The following LRTM1 variants were observed in gnomAD, a reference collection of about 807,000 sequenced individuals.
LRTM1 encodes leucine rich repeat transmembrane protein 1, also known as leucine-rich repeat and transmembrane domain-containing protein 1.
Under a neutral mutation model 32.4 loss-of-function variants are expected in LRTM1, and 38 were observed. The ratio of observed to expected loss-of-function variants is 1.17; its 90% CI spans 0.91 to 1.54. The LOEUF is 1.54. LRTM1 is among the 40% of genes most tolerant of loss of function. LRTM1 has a pLI of 0.00. For synonymous variants in LRTM1, 186 were observed against 169.9 expected, an observed-to-expected ratio of 1.09 and a Z score of -0.74; for missense variants, 466 against 415.4, an observed-to-expected ratio of 1.12 and a Z score of -1.06.
intron 1 of LRTM1, among the ~76,000 whole-genome samples, chr3:54,965,201 A>G (rs1333945167): frequency 6.6e-6 from 1 of 151,588 alleles, no homozygotes; most frequent in Admixed American, 6.6e-5. Flanking sequence ...CTTTATTTAC[A>G]AAAAGAGGCT....
At chr3:54,941,533 G>A (rs1296320596) in intron 1 of LRTM1, among the ~76,000 whole-genome samples, 1 of 152,146 alleles carries the variant, frequency 6.6e-6, no homozygotes, top group Non-Finnish European at 1.5e-5. Flanking sequence ...TTATGTGGGT[G>A]AGCAGTAAAT....
intron 1 of LRTM1, among the ~76,000 whole-genome samples, chr3:54,934,069 C>A (rs754584353): frequency 4.6e-5 from 7 of 152,182 alleles, no homozygotes; most frequent in Non-Finnish European, 7.3e-5. Context: ...TTGTGCCCAT[C>A]CATGATGTTA....
chr3:54,918,348 TTTTTTTTGTC>T lies in LRTM1; in HGVS notation c.*101_*110del. ...TTTTTTTTTCTTTTTTTTTTTTTTT[TTTTTTTTGTC>T]TTTTGGCAAAAGCAAAATCAGACTA... On this transcript the variant is annotated 3_prime_UTR_variant, in exon 3 of 3. Transcript: ENST00000273286. 2.5e-6 allele frequency: 1 copy of T among 402,882 alleles called. No individual in the cohort carries two copies. The highest frequency in any genetic ancestry group is 2.2e-5 in the African/African-American group (1 of 45,462). 25.0% of individuals were successfully genotyped at this position (402,882 alleles called of 1,614,324 possible). A position where few individuals can be genotyped will look rare whatever the true frequency, so the allele number is the denominator to read the frequency against.
rs766108140 is a variant in LRTM1, at chr3:54,963,657, A to G, written c.-222+3271T>C. ...TGGTATTCTGCAAAGCAAATGGTCT[A>G]TGTGTTTTGGATGATGCCCTGCATT... On this transcript the variant is annotated intron_variant, in intron 1 of 2. Transcript: ENST00000493075. Among the ~76,000 whole-genome samples the G allele has an allele frequency of 3.0e-4, 46 of 152,138 alleles. 1 individual carries two copies. Among genetic ancestry groups the G allele is most frequent in the South Asian group, 2.1e-4 (1 of 4,830 alleles).
chr3:54,932,683 G>A (rs533050894), upstream of LRTM1, among the ~76,000 whole-genome samples: 1 of 152,086 alleles, frequency 6.6e-6, no homozygotes, highest in Non-Finnish European at 1.5e-5. Flanking sequence ...TACGTGTGAT[G>A]AGCCCTTATA....
intron 1 of LRTM1, among the ~76,000 whole-genome samples, chr3:54,934,949 G>A (rs1302641617): frequency 9.9e-5 from 15 of 152,178 alleles, no homozygotes; most frequent in Admixed American, 9.8e-4. Context: ...TGTTGGCCAG[G>A]CTGGTCTCGA....
intron 2 of LRTM1, among the ~76,000 whole-genome samples, chr3:54,923,344 C>T (rs1006533733): frequency 2.0e-5 from 3 of 152,078 alleles, no homozygotes; most frequent in African/African-American, 7.2e-5. Context: ...AAGTTTTCCC[C>T]CTCATCAAGC....
intron 1 of LRTM1, among the ~76,000 whole-genome samples, chr3:54,938,678 A>C (rs1170365121): frequency 2.0e-5 from 3 of 149,034 alleles, no homozygotes; most frequent in Non-Finnish European, 3.0e-5. Context: ...TTGTCCTGTG[A>C]CCATGGTAAT....
chr3:54,931,181 T>C (rs138149039), upstream of LRTM1, among the ~76,000 whole-genome samples: 1,560 of 152,308 alleles, frequency 0.01, 20 homozygotes, highest in Non-Finnish European at 0.016. Context: ...TGCTCCCACC[T>C]AAAACACGAA....
intron 1 of LRTM1, among the ~76,000 whole-genome samples, chr3:54,949,358 A>AG (rs1403855726): frequency 1.3e-5 from 2 of 152,184 alleles, no homozygotes; most frequent in African/African-American, 4.8e-5. Context: ...TGCTGAAAAA[A>AG]GGGGACATGC....
chr3:54,949,234 A>G (rs183190687), intron 1 of LRTM1, among the ~76,000 whole-genome samples: 2 of 152,312 alleles, frequency 1.3e-5, no homozygotes, highest in African/African-American at 2.4e-5. Flanking sequence ...ATGCATCCCT[A>G]TGCCTAGCAG....
intron 1 of LRTM1, among the ~76,000 whole-genome samples, chr3:54,937,668 T>C (rs991875037): frequency 1.3e-5 from 2 of 152,010 alleles, no homozygotes; most frequent in Admixed American, 6.5e-5. Context: ...GGCATCCCAA[T>C]GGATGTTATA....
At chr3:54,933,239 G>T (rs1357317750) in intron 1 of LRTM1, among the ~76,000 whole-genome samples, 1 of 151,988 alleles carries the variant, frequency 6.6e-6, no homozygotes, top group Non-Finnish European at 1.5e-5. Context: ...GCTTACAATG[G>T]GGCACATAGT....
intron 1 of LRTM1, among the ~76,000 whole-genome samples, chr3:54,963,115 A>G (rs1056395874): frequency 1.3e-5 from 2 of 152,204 alleles, no homozygotes; most frequent in African/African-American, 4.8e-5. Flanking sequence ...ATAAAGCAAA[A>G]TAAATAAATC....
rs372903003 is a variant in LRTM1, at chr3:54,925,065, C to T, written c.158G>A (p.Arg53Gln). 2.4e-5 allele frequency: 38 copies of T among 1,613,884 alleles called. No homozygotes were observed. Among genetic ancestry groups the T allele is most frequent in the Admixed American group, 1.2e-4 (7 of 59,990 alleles). ...CTGATTATCTTGTAAATGCAGCGTT[C>T]GAGTCTGAGGAGGTAAATGGGAAGG... The part of the protein sequence containing the change: ...EIPSHLPPQT[R>Q]TLHLQDNQIH... The change falls in exon 2 of 3, where the codon CGA becomes CAA. Residue 53 changes from arginine to glutamine, a missense_variant. Arg to Gln is a conservative substitution (Grantham distance 43, BLOSUM62 1). Transcript: ENST00000273286.
chr3:54,939,772 C>G (rs1435156066), intron 1 of LRTM1, among the ~76,000 whole-genome samples: 4 of 152,238 alleles, frequency 2.6e-5, no homozygotes, highest in Non-Finnish European at 4.4e-5. Context: ...GATCTATAGA[C>G]CAGTAGCGGG....
chr3:54,950,619 G>T (rs1184227358), intron 1 of LRTM1, among the ~76,000 whole-genome samples: 1 of 152,182 alleles, frequency 6.6e-6, no homozygotes, highest in Non-Finnish European at 1.5e-5. Context: ...GAGTGGACCT[G>T]CACAGCTCCA....
chr3:54,926,636 A>T (rs1241363704), intron 1 of LRTM1, among the ~76,000 whole-genome samples: 1 of 152,178 alleles, frequency 6.6e-6, no homozygotes, highest in Non-Finnish European at 1.5e-5. Flanking sequence ...CTGTTCACTG[A>T]AAACTGATCT....
At chr3:54,923,476 G>C (rs1243239535) in intron 2 of LRTM1, among the ~76,000 whole-genome samples, 1 of 152,002 alleles carries the variant, frequency 6.6e-6, no homozygotes, top group Non-Finnish European at 1.5e-5. Context: ...TCAAAAATGA[G>C]ACCCACATTC....
Sources: gnomAD v4.1 joint callset for allele counts (sites outside exome capture counted in the v4.1 genomes callset) on GRCh38, gnomAD v4.1.1 for gene constraint, MANE v1.5 for transcripts, NCBI Gene and HGNC (gene_info 2026-07-23, HGNC 2026-07-21) for gene names.